FOCAD: variants seen among roughly 807,000 people sequenced by gnomAD.
The protein encoded by FOCAD is KIAA1797.
Under a neutral mutation model 225.6 loss-of-function variants are expected in FOCAD, and 198 were observed. That is an observed-to-expected ratio of 0.88 (90% CI 0.78 to 0.99). The LOEUF is 0.99. FOCAD is among the 50% of genes least tolerant of loss of function. FOCAD has a pLI of 0.00. For synonymous variants in FOCAD, 897 were observed against 755.0 expected, an observed-to-expected ratio of 1.19 and a Z score of -3.08; for missense variants, 2,713 against 2,123.6, an observed-to-expected ratio of 1.28 and a Z score of -5.46.
chr9:20,873,934 G>C (rs942776936), intron 18 of FOCAD: 5 of 152,048 alleles, frequency 3.3e-5, no homozygotes, highest in Non-Finnish European at 7.4e-5. Flanking sequence ...TCTCCATGTG[G>C]ACATTATGAT....
intron 8 of FOCAD, among the ~76,000 whole-genome samples, chr9:20,778,161 C>T (rs1818982402): frequency 2.0e-5 from 3 of 149,998 alleles, no homozygotes; most frequent in African/African-American, 4.9e-5. Flanking sequence ...GAGTTTTCCT[C>T]TGAATTATTT....
chr9:20,820,234 T>G, intron 12 of FOCAD, 90 bp from the exon 13 acceptor site: 1 of 886,970 alleles, frequency 1.1e-6, no homozygotes. Context: ...AGTCTTCATT[T>G]TATAACAAGG....
At chr9:20,685,791 A>C (rs1380771924) in intron 1 of FOCAD, among the ~76,000 whole-genome samples, 3 of 152,272 alleles carry the variant, frequency 2.0e-5, no homozygotes, top group East Asian at 1.9e-4. Context: ...CATTAACCCC[A>C]AATTTACTGG....
intron 3 of FOCAD, among the ~76,000 whole-genome samples, chr9:20,719,778 CTTTTTTTTTTTTTT>C (rs34384301): frequency 3.2e-5 from 2 of 62,112 alleles, no homozygotes; most frequent in African/African-American, 6.7e-5. Flanking sequence ...TTTTCCTAGG[CTTTTTTTTTTTTTT>C]TTTTTTTTTT....
intron 11 of FOCAD, among the ~76,000 whole-genome samples, chr9:20,800,985 A>C (rs1191048577): frequency 6.6e-6 from 1 of 151,930 alleles, no homozygotes; most frequent in African/African-American, 2.4e-5. Context: ...GGTTTTATCT[A>C]CGTTAGGTCT....
At chr9:20,770,385 G>T in intron 8 of FOCAD, 147 bp downstream of exon 8, 1 of 719,002 alleles carries the variant, frequency 1.4e-6, no homozygotes, top group South Asian at 2.0e-5. Context: ...TTAGCTTCTG[G>T]GGAGGCCTCA....
chr9:20,719,180 C>T (rs952241281), intron 3 of FOCAD, among the ~76,000 whole-genome samples: 1 of 151,998 alleles, frequency 6.6e-6, no homozygotes. Flanking sequence ...CTCCTGGGTT[C>T]AAGCAGTTCT....
At chr9:20,786,713 T>C (rs1304951594) in intron 10 of FOCAD, among the ~76,000 whole-genome samples, 1 of 152,248 alleles carries the variant, frequency 6.6e-6, no homozygotes, top group Non-Finnish European at 1.5e-5. Context: ...GATGTTTATC[T>C]TATTGTTACT....
At chr9:20,792,508 C>G (rs913628565) in intron 11 of FOCAD, among the ~76,000 whole-genome samples, 10 of 152,182 alleles carry the variant, frequency 6.6e-5, no homozygotes, top group African/African-American at 2.4e-4. Flanking sequence ...TTTTGCAAAA[C>G]TCAGTGCCTC....
At chr9:20,782,050 T>C in intron 10 of FOCAD, 121 bp downstream of exon 10, 2 of 798,106 alleles carry the variant, frequency 2.5e-6, no homozygotes, top group Non-Finnish European at 4.2e-6. Context: ...TTCAGTCAGG[T>C]AGTGCTGTTG....
At chr9:20,739,009 T>G (rs1376222539) in intron 4 of FOCAD, among the ~76,000 whole-genome samples, 1 of 152,186 alleles carries the variant, frequency 6.6e-6, no homozygotes, top group Non-Finnish European at 1.5e-5. Context: ...CTAACCATAT[T>G]ACTAGTGCTC....
intron 15 of FOCAD, among the ~76,000 whole-genome samples, chr9:20,859,759 C>T (rs1828588815): frequency 6.7e-6 from 1 of 148,898 alleles, no homozygotes; most frequent in East Asian, 2.0e-4. Context: ...CATACTACAA[C>T]ATCGATGAAC....
At chr9:20,772,777 C>G (rs1451792650) in intron 8 of FOCAD, among the ~76,000 whole-genome samples, 4 of 151,798 alleles carry the variant, frequency 2.6e-5, no homozygotes, top group African/African-American at 9.7e-5. Flanking sequence ...CAGGAAGACT[C>G]AAGTATTACA....
intron 9 of FOCAD, among the ~76,000 whole-genome samples, chr9:20,781,460 T>G (rs1367093507): frequency 2.8e-5 from 4 of 140,442 alleles, no homozygotes; most frequent in African/African-American, 1.1e-4. Context: ...AGGGCAAATG[T>G]TGAATTGTAT....
intron 5 of FOCAD, among the ~76,000 whole-genome samples, chr9:20,755,153 A>G (rs1828935559): frequency 6.6e-6 from 1 of 152,200 alleles, no homozygotes; most frequent in Non-Finnish European, 1.5e-5. Flanking sequence ...CTTAGAATCA[A>G]TACTGTGTAT....
intron 7 of FOCAD, among the ~76,000 whole-genome samples, chr9:20,765,475 C>T (rs1300766558): frequency 6.6e-6 from 1 of 152,024 alleles, no homozygotes; most frequent in African/African-American, 2.4e-5. Flanking sequence ...GCATAAATAG[C>T]TCTGAGGATG....
chr9:20,753,644 G>A (rs1290989304), intron 5 of FOCAD, among the ~76,000 whole-genome samples: 5 of 151,884 alleles, frequency 3.3e-5, no homozygotes, highest in African/African-American at 4.8e-5. Context: ...GTCTCTGCCC[G>A]GCTTTGGTAT....
At chr9:20,784,096 G>C (rs1258610801) in intron 10 of FOCAD, among the ~76,000 whole-genome samples, 1 of 152,192 alleles carries the variant, frequency 6.6e-6, no homozygotes, top group Non-Finnish European at 1.5e-5. Context: ...AGAGAATGTG[G>C]AGAAGGCCTA....
At chr9:20,719,037 C>G (rs565493407) in intron 3 of FOCAD, among the ~76,000 whole-genome samples, 2 of 152,026 alleles carry the variant, frequency 1.3e-5, no homozygotes, top group Admixed American at 1.3e-4. Context: ...AGAAAAGATT[C>G]TTAGCCAGCT....
Sources: gnomAD v4.1 joint callset for allele counts (sites outside exome capture counted in the v4.1 genomes callset) on GRCh38, gnomAD v4.1.1 for gene constraint, MANE v1.5 for transcripts, NCBI Gene and HGNC (gene_info 2026-07-23, HGNC 2026-07-21) for gene names.